Variants in RUFY3 observed in about 807,000 individuals in gnomAD.
The protein encoded by RUFY3 is protein RUFY3.
Under a neutral mutation model 84.0 loss-of-function variants are expected in RUFY3, and 34 were observed. The observed-to-expected ratio is 0.40, with a 90% CI of 0.31 to 0.54. The LOEUF (loss-of-function observed/expected upper bound fraction) is 0.54. RUFY3 is among the 20% of genes least tolerant of loss of function. The pLI, the probability that RUFY3 is intolerant of heterozygous loss-of-function variation, is 0.39. For missense variants in RUFY3, 507 were observed against 736.8 expected (o/e 0.69, Z 3.61); for synonymous variants, 242 against 252.9 (o/e 0.96, Z 0.41).
chr4:70,757,794 T>C (rs1257999660), intron 1 of RUFY3, among the ~76,000 whole-genome samples: 1 of 152,196 alleles, frequency 6.6e-6, no homozygotes, highest in African/African-American at 2.4e-5. Context: ...AGTCTATTAT[T>C]ACCTCTGTAT....
intron 1 of RUFY3, among the ~76,000 whole-genome samples, chr4:70,706,020 G>T (rs1435336471): frequency 1.3e-5 from 2 of 152,132 alleles, no homozygotes; most frequent in East Asian, 1.9e-4. Context: ...ACACGCGAGC[G>T]CTCTGAATGC....
chr4:70,782,092 C>A (rs1412600991), intron 8 of RUFY3, among the ~76,000 whole-genome samples: 1 of 152,076 alleles, frequency 6.6e-6, no homozygotes, highest in Non-Finnish European at 1.5e-5. Context: ...AAGAAATCAT[C>A]TATAAAAGAT....
At chr4:70,739,391 TG>T (rs1323681158) in intron 1 of RUFY3, among the ~76,000 whole-genome samples, 1 of 152,200 alleles carries the variant, frequency 6.6e-6, no homozygotes, top group African/African-American at 2.4e-5. Flanking sequence ...AGTGTAAAGT[TG>T]ACATTGAGTA....
rs1553917243 is a variant in RUFY3, at chr4:70,775,946, A to AAAAAAAAAACAAC, written c.824+722_824+723insCAACAAAAAAAAA. ...ACAGAGCGAGACACTGTCTTAAACA[A>AAAAAAAAAACAAC]AAAAAAAAAAACGAAAAAAAAGATA... On this transcript the variant is annotated intron_variant, in intron 7 of 17. Coordinates refer to ENST00000381006, the MANE Select transcript of RUFY3 (RefSeq NM_001037442.4). 5.7e-4 allele frequency among the ~76,000 whole-genome samples: 78 copies of AAAAAAAAAACAAC among 138,000 alleles called. 2 individuals are homozygous for AAAAAAAAAACAAC. Among genetic ancestry groups the AAAAAAAAAACAAC allele is most frequent in the African/African-American group, 1.8e-3 (62 of 34,098 alleles). 90.5% of individuals were successfully genotyped at this position (138,000 alleles called of 152,430 possible).
intron 1 of RUFY3, among the ~76,000 whole-genome samples, chr4:70,723,713 A>G (rs1223427600): frequency 6.6e-6 from 1 of 152,236 alleles, no homozygotes; most frequent in African/African-American, 2.4e-5. Context: ...AAACGCTTGC[A>G]TATGAGGAGA....
At position 70,790,624 on chromosome 4, in the gene RUFY3, T is replaced by C. The variant is rs74677951; in HGVS notation, c.1337+1032T>C. 5.7e-3 allele frequency among the ~76,000 whole-genome samples: 864 copies of C among 152,338 alleles called. 14 individuals are homozygous for C. Among genetic ancestry groups the C allele is most frequent in the African/African-American group, 0.02 (838 of 41,580 alleles). Reference sequence around the variant, plus strand: ...CCATAGCTTCATACTCATATCTATCTATACTGCTTATGGCACTTCTCACTG... The same window carrying C: ...CCATAGCTTCATACTCATATCTATCCATACTGCTTATGGCACTTCTCACTG... On this transcript the variant is annotated intron_variant, in intron 12 of 17. Transcript: ENST00000381006.
intron 8 of RUFY3, 135 bp downstream of exon 8, chr4:70,778,573 CTTTTTTTT>C (rs377520137): frequency 2.4e-3 from 360 of 151,830 alleles, no homozygotes; most frequent in East Asian, 0.016. Flanking sequence ...ACTTCTTATT[CTTTTTTTT>C]TTTTTTTTTT....
intron 1 of RUFY3, among the ~76,000 whole-genome samples, chr4:70,733,137 G>GGGGA (rs1220515845): frequency 1.5e-3 from 133 of 86,580 alleles, no homozygotes; most frequent in East Asian, 4.7e-3. Context: ...AGGGAGGGAG[G>GGGGA]GAGAGAGAGA....
At chr4:70,713,014 AT>A (rs937552204) in intron 1 of RUFY3, among the ~76,000 whole-genome samples, 190 of 151,698 alleles carry the variant, frequency 1.3e-3, no homozygotes, top group Middle Eastern at 6.8e-3. Context: ...GTGAAAGGAA[AT>A]TTTTTTTTGT....
chr4:70,711,742 A>G (rs1295852670), intron 1 of RUFY3, among the ~76,000 whole-genome samples: 1 of 152,168 alleles, frequency 6.6e-6, no homozygotes, highest in Non-Finnish European at 1.5e-5. Flanking sequence ...CCTTCCACAC[A>G]CAGCTGACAT....
At chr4:70,720,254 G>T (rs1175345050), upstream of RUFY3, among the ~76,000 whole-genome samples, 1 of 152,102 alleles carries the variant, frequency 6.6e-6, no homozygotes, top group Non-Finnish European at 1.5e-5. Flanking sequence ...TTGCCATGTT[G>T]CCCAGGCTGG....
intron 12 of RUFY3, chr4:70,791,366 G>A (rs1730791477): frequency 6.3e-7 from 1 of 1,596,704 alleles, no homozygotes; most frequent in East Asian, 2.2e-5. Context: ...AAATCTGAAA[G>A]TTACTACATT....
chr4:70,780,350 C>T (rs1044243201), intron 8 of RUFY3, among the ~76,000 whole-genome samples: 2 of 152,064 alleles, frequency 1.3e-5, no homozygotes, highest in African/African-American at 4.8e-5. Flanking sequence ...GGTTGAAGTG[C>T]AGTGGTGCCA....
chr4:70,733,525 A>G (rs1560465137), intron 1 of RUFY3, among the ~76,000 whole-genome samples: 1 of 152,200 alleles, frequency 6.6e-6, no homozygotes, highest in Non-Finnish European at 1.5e-5. Flanking sequence ...CAAAAAGTTT[A>G]TGTATGTACT....
intron 1 of RUFY3, among the ~76,000 whole-genome samples, chr4:70,756,300 A>C (rs1724013390): frequency 6.6e-6 from 1 of 152,142 alleles, no homozygotes; most frequent in African/African-American, 2.4e-5. Flanking sequence ...CTTGCCCCTC[A>C]GCTTTGAGTT....
chr4:70,760,563 T>TC, intron 1 of RUFY3, among the ~76,000 whole-genome samples: 1 of 152,062 alleles, frequency 6.6e-6, no homozygotes, highest in Admixed American at 6.6e-5. Context: ...TATTTTTTTT[T>TC]TTTGAGTAAT....
At chr4:70,721,501 AGATATTTAAATTGAAAATCTACTT>A (rs576311283), upstream of RUFY3, among the ~76,000 whole-genome samples, 16 of 152,222 alleles carry the variant, frequency 1.1e-4, no homozygotes, top group South Asian at 3.1e-3. Flanking sequence ...CCCAAGAATA[AGATATTTAAATTGAAAATCTACTT>A]TAGCTTTTCT....
chr4:70,705,022 A>AGCCGC lies in RUFY3; in HGVS notation c.94_98dup (p.Pro34AlafsTer73). 2 of 1,222,428 alleles carry AGCCGC rather than the reference A, an allele frequency of 1.6e-6. No homozygotes were observed. Among genetic ancestry groups the AGCCGC allele is most frequent in the Non-Finnish European group, 2.0e-6 (2 of 984,564 alleles). 75.7% of individuals were successfully genotyped at this position (1,222,428 alleles called of 1,614,324 possible). On this transcript the variant is annotated frameshift_variant, in exon 1 of 12. Transcript: ENST00000417478. LOFTEE classifies it high-confidence loss of function. The stretch of plus-strand genomic sequence containing the variant: ...AGGGGCGGGGAGTGGCGGCCGGAGG[A>AGCCGC]GCCGCGCCGCGCTCCCGCCGGGGGC...
At chr4:70,771,683 T>C (rs562555861) in intron 5 of RUFY3, among the ~76,000 whole-genome samples, 40 of 152,248 alleles carry the variant, frequency 2.6e-4, no homozygotes, top group South Asian at 1.0e-3. Flanking sequence ...AGGAACATGC[T>C]ACCACACCCA....
Sources: gnomAD v4.1 joint callset for allele counts (sites outside exome capture counted in the v4.1 genomes callset) on GRCh38, gnomAD v4.1.1 for gene constraint, MANE v1.5 for transcripts, NCBI Gene and HGNC (gene_info 2026-07-23, HGNC 2026-07-21) for gene names.